The following CNST variants were observed in gnomAD, a reference collection of about 807,000 sequenced individuals.
CNST encodes consortin, connexin sorting protein.
CNST carries 39 observed loss-of-function variants against 72.4 expected under a neutral mutation model. That is an observed-to-expected ratio of 0.54 (90% CI 0.42 to 0.70). The LOEUF is 0.70. CNST is among the 30% of genes least tolerant of loss of function. The pLI, the probability that CNST is intolerant of heterozygous loss-of-function variation, is 0.00. For synonymous variants in CNST, 332 were observed against 320.1 expected (o/e 1.04, Z -0.40); for missense variants, 871 against 868.5 (o/e 1.00, Z -0.04).
rs1259747982 is a variant in CNST, at chr1:246,667,062, C to CT, written c.*1159dup. 1 of 151,660 alleles carries CT rather than the reference C, an allele frequency of 6.6e-6. No individual in the cohort carries two copies. The highest frequency in any genetic ancestry group is 2.4e-5 in the African/African-American group (1 of 41,248). The allele number at this position is 151,660 out of a possible 1,614,324, so 9.4% of individuals were successfully genotyped here. On this transcript the variant is annotated 3_prime_UTR_variant, in exon 11 of 11. Transcript: ENST00000366513. ...AAATCTGTCCGTTAGGTGGCCTTTC[C>CT]TTATCTGAGGTGTAGTGGTCTAACA...
chr1:246,643,849 G>T (rs1366177400), intron 8 of CNST, among the ~76,000 whole-genome samples: 1 of 152,128 alleles, frequency 6.6e-6, no homozygotes, highest in Non-Finnish European at 1.5e-5. Flanking sequence ...TTATGGTGGA[G>T]TTTTTTTCCC....
chr1:246,606,001 C>G (rs533174959), intron 2 of CNST: 9 of 151,726 alleles, frequency 5.9e-5, no homozygotes, highest in African/African-American at 2.2e-4. Flanking sequence ...TCATTCCTGT[C>G]TATTTGGTTA....
intron 2 of CNST, chr1:246,606,809 A>C (rs929655046): frequency 5.3e-5 from 8 of 152,222 alleles, no homozygotes; most frequent in Non-Finnish European, 1.0e-4. Context: ...CTTTGGAAGT[A>C]AGATGAATCC....
chr1:246,663,004 T>G (rs1667189962), intron 10 of CNST, among the ~76,000 whole-genome samples: 1 of 152,104 alleles, frequency 6.6e-6, no homozygotes, highest in Non-Finnish European at 1.5e-5. Context: ...GAAAAATACT[T>G]TAGGTTGTTA....
chr1:246,655,389 T>C (rs1222147532), intron 9 of CNST, among the ~76,000 whole-genome samples: 2 of 152,222 alleles, frequency 1.3e-5, no homozygotes, highest in East Asian at 1.9e-4. Flanking sequence ...AAATGGCTGC[T>C]GCTTACAGCT....
chr1:246,615,174 A>G (rs1663595532), intron 2 of CNST, among the ~76,000 whole-genome samples: 1 of 152,168 alleles, frequency 6.6e-6, no homozygotes, highest in African/African-American at 2.4e-5. Flanking sequence ...TTATTACAAA[A>G]AAAAAATTTT....
At chr1:246,656,867 C>A (rs1240186646) in intron 9 of CNST, among the ~76,000 whole-genome samples, 1 of 152,108 alleles carries the variant, frequency 6.6e-6, no homozygotes, top group African/African-American at 2.4e-5. Context: ...GAGGTTGAGG[C>A]TGCAGCGAGC....
intron 3 of CNST, among the ~76,000 whole-genome samples, chr1:246,626,026 C>G (rs1664408819): frequency 6.6e-6 from 1 of 151,620 alleles, no homozygotes; most frequent in African/African-American, 2.4e-5. Context: ...ATCACTTGGC[C>G]ATGCCTTCTC....
chr1:246,628,487 T>G (rs1664585819), intron 3 of CNST, among the ~76,000 whole-genome samples: 1 of 152,258 alleles, frequency 6.6e-6, no homozygotes, highest in African/African-American at 2.4e-5. Context: ...TATACTTGTA[T>G]TTTGAGCTCG....
intron 1 of CNST, among the ~76,000 whole-genome samples, chr1:246,574,753 T>G (rs1284905071): frequency 6.6e-6 from 1 of 152,110 alleles, no homozygotes; most frequent in Admixed American, 6.5e-5. Context: ...AGGAATATGT[T>G]ACTCAAAAAA....
chr1:246,652,921 G>A (rs972089068), intron 9 of CNST, among the ~76,000 whole-genome samples: 15 of 149,870 alleles, frequency 1.0e-4, no homozygotes, highest in East Asian at 3.9e-4. Flanking sequence ...GGAGAATGGC[G>A]TGAACCTGGG....
intron 9 of CNST, among the ~76,000 whole-genome samples, chr1:246,659,529 A>G (rs1572255978): frequency 6.6e-6 from 1 of 151,880 alleles, no homozygotes; most frequent in Non-Finnish European, 1.5e-5. Flanking sequence ...CGGGAGGCGG[A>G]GATTGCAGTG....
chr1:246,594,255 T>A (rs1272683928), intron 2 of CNST, among the ~76,000 whole-genome samples: 2 of 152,152 alleles, frequency 1.3e-5, no homozygotes, highest in African/African-American at 2.4e-5. Flanking sequence ...GTTCAAGTGA[T>A]CCTTTTATCT....
intron 1 of CNST, among the ~76,000 whole-genome samples, chr1:246,577,955 C>G (rs892782402): frequency 6.6e-6 from 1 of 151,766 alleles, no homozygotes; most frequent in Non-Finnish European, 1.5e-5. Flanking sequence ...CTGTTTCCTA[C>G]CAGATAATAC....
chr1:246,647,110 T>A lies in CNST; in HGVS notation c.938-29T>A, dbSNP rs749483875. ...CCTATACAAAGTGTTGTTTTGAATT[T>A]TTAACAATTTATTTTTCTTCATCTT... On this transcript the variant is annotated intron_variant, in intron 8 of 10. Transcript: ENST00000366513. The A allele has an allele frequency of 1.9e-6, 3 of 1,579,236 alleles. No homozygotes were observed. In the African/African-American group the frequency reaches 4.1e-5, roughly 22 times the overall value.
At chr1:246,581,109 T>A (rs962007354) in intron 1 of CNST, among the ~76,000 whole-genome samples, 2 of 152,178 alleles carry the variant, frequency 1.3e-5, no homozygotes, top group Non-Finnish European at 2.9e-5. Flanking sequence ...TGATACTTCC[T>A]TGAGTAATAA....
In CNST at chr1:246,666,396, T is replaced by C. The variant is rs932824367; in HGVS notation, c.*491T>C. On this transcript the variant is annotated 3_prime_UTR_variant, in exon 11 of 11. Coordinates refer to ENST00000366513, the MANE Select transcript of CNST (RefSeq NM_152609.3). Reference sequence around the variant, plus strand: ...GGAGCTGTGTAATTTAGGCTTTGCGTATTATTTCACTTCTGTTCTCCACTT... The same window carrying C: ...GGAGCTGTGTAATTTAGGCTTTGCGCATTATTTCACTTCTGTTCTCCACTT... 1 of 153,562 alleles carries C rather than the reference T, an allele frequency of 6.5e-6. No homozygotes were observed. Among genetic ancestry groups the C allele is most frequent in the African/African-American group, 2.4e-5 (1 of 41,478 alleles). 9.5% of individuals were successfully genotyped at this position (153,562 alleles called of 1,614,324 possible).
intron 3 of CNST, among the ~76,000 whole-genome samples, chr1:246,625,669 C>T (rs1018717011): frequency 2.6e-5 from 4 of 152,076 alleles, no homozygotes; most frequent in Non-Finnish European, 4.4e-5. Context: ...ATCCGCCCGC[C>T]TCGGCCTCCC....
chr1:246,659,020 A>G (rs1169130817), intron 9 of CNST, among the ~76,000 whole-genome samples: 1 of 152,220 alleles, frequency 6.6e-6, no homozygotes, highest in African/African-American at 2.4e-5. Context: ...GGAGAGAGGC[A>G]GCCCAAGTGA....
Sources: allele counts gnomAD v4.1 joint callset (sites outside exome capture counted in the v4.1 genomes callset), GRCh38; gene constraint gnomAD v4.1.1; transcripts MANE v1.5; gene names NCBI Gene and HGNC (gene_info 2026-07-23, HGNC 2026-07-21).